The following CMTM8 variants were observed in gnomAD, a reference collection of about 807,000 sequenced individuals.
CMTM8 encodes CKLF-like MARVEL transmembrane domain-containing protein 8.
Under a neutral mutation model 18.6 loss-of-function variants are expected in CMTM8, and 12 were observed. The observed-to-expected ratio is 0.65, with a 90% CI of 0.41 to 1.05. The LOEUF (loss-of-function observed/expected upper bound fraction) is 1.05, where lower values mean the gene tolerates loss of function less well. Among genes scored for constraint, CMTM8 ranks in the 50% least tolerant of loss-of-function variants. The pLI is 0.00. For synonymous variants in CMTM8, 87 were observed against 90.6 expected, an observed-to-expected ratio of 0.96 and a Z score of 0.23; for missense variants, 217 against 227.2, an observed-to-expected ratio of 0.95 and a Z score of 0.29.
chr3:32,269,981 C>T (rs940665578), intron 1 of CMTM8, among the ~76,000 whole-genome samples: 1 of 151,824 alleles, frequency 6.6e-6, no homozygotes, highest in Non-Finnish European at 1.5e-5. Flanking sequence ...ACTATGTTAC[C>T]CAGGCTGGTC....
chr3:32,277,518 G>A (rs541607826), intron 1 of CMTM8, among the ~76,000 whole-genome samples: 2 of 152,010 alleles, frequency 1.3e-5, no homozygotes, highest in South Asian at 2.1e-4. Context: ...TATTACAGGT[G>A]TGTGCCACCA....
At chr3:32,364,620 C>T (rs1255991339) in intron 2 of CMTM8, among the ~76,000 whole-genome samples, 1 of 152,170 alleles carries the variant, frequency 6.6e-6, no homozygotes, top group Non-Finnish European at 1.5e-5. Flanking sequence ...AGGTGAAGCT[C>T]CAGGGGAGCC....
rs1200143299 is a variant in CMTM8 at position 32,253,947 on chromosome 3, G to A, written c.147+14828G>A. Among the ~76,000 whole-genome samples the A allele has an allele frequency of 2.0e-5, 3 of 151,750 alleles. No individual in the cohort carries two copies. The East Asian group carries it at 5.9e-4, about 30-fold the overall frequency. On this transcript the variant is annotated intron_variant, in intron 1 of 3. Coordinates refer to ENST00000307526, the MANE Select transcript of CMTM8 (RefSeq NM_178868.5). ...TCACGCTTGTTGCCCAGGCTGGAGTGCAGTGGCACAATCTCAGCTCACTGC... is the reference window on the plus strand; with the variant it reads ...TCACGCTTGTTGCCCAGGCTGGAGTACAGTGGCACAATCTCAGCTCACTGC...
intron 1 of CMTM8, among the ~76,000 whole-genome samples, chr3:32,269,698 A>C (rs1361325695): frequency 6.6e-6 from 1 of 152,202 alleles, no homozygotes; most frequent in African/African-American, 2.4e-5. Flanking sequence ...TGTCTTCTGC[A>C]TGCCCCTAGA....
chr3:32,357,089 A>G (rs1438956903), intron 1 of CMTM8, among the ~76,000 whole-genome samples: 1 of 152,102 alleles, frequency 6.6e-6, no homozygotes, highest in Admixed American at 6.6e-5. Context: ...GAAAGTTGTA[A>G]TTGACTTAGC....
At chr3:32,267,350 A>T (rs1702365248) in intron 1 of CMTM8, among the ~76,000 whole-genome samples, 1 of 152,226 alleles carries the variant, frequency 6.6e-6, no homozygotes, top group East Asian at 1.9e-4. Context: ...AGAAATGGGG[A>T]AAGGATTCCC....
chr3:32,359,620 C>A (rs1054097109), intron 2 of CMTM8, among the ~76,000 whole-genome samples: 2 of 151,916 alleles, frequency 1.3e-5, no homozygotes, highest in Non-Finnish European at 2.9e-5. Flanking sequence ...TAGTGATGGG[C>A]CAGATTTGAC....
chr3:32,351,240 A>G lies in CMTM8; in HGVS notation c.148-6133A>G, dbSNP rs115976668. On this transcript the variant is annotated intron_variant, in intron 1 of 3. Transcript: ENST00000307526. ...ATAAGTGATATTGGGTCAATTGTCT[A>G]TCTGCTAGAAAAAAATAAAATTTGC... Among the ~76,000 whole-genome samples, 635 of 152,200 alleles carry G rather than the reference A, an allele frequency of 4.2e-3. 4 individuals carry two copies. The highest frequency in any genetic ancestry group is 0.015 in the African/African-American group (611 of 41,506).
intron 1 of CMTM8, among the ~76,000 whole-genome samples, chr3:32,287,977 A>G (rs1702712409): frequency 6.6e-6 from 1 of 152,246 alleles, no homozygotes; most frequent in Non-Finnish European, 1.5e-5. Flanking sequence ...GCTTTAAAAA[A>G]AAAGTATTTA....
In CMTM8 at chr3:32,298,922, CACAT is replaced by C. The variant is rs1220999084; in HGVS notation, c.148-58449_148-58446del. 3.4e-3 allele frequency among the ~76,000 whole-genome samples: 470 copies of C among 139,154 alleles called. 4 individuals carry two copies. Among genetic ancestry groups the C allele is most frequent in the African/African-American group, 0.01 (378 of 36,970 alleles). 91.3% of individuals were successfully genotyped at this position (139,154 alleles called of 152,430 possible). Reference sequence around the variant, plus strand: ...ATACACACACACACACATACACACACACATATATATATATATATGTATATATATA... The same window carrying C: ...ATACACACACACACACATACACACACATATATATATATATGTATATATATA... On this transcript the variant is annotated intron_variant, in intron 1 of 3. Coordinates refer to ENST00000307526, the MANE Select transcript of CMTM8 (RefSeq NM_178868.5).
intron 1 of CMTM8, among the ~76,000 whole-genome samples, chr3:32,283,411 A>G (rs1210527923): frequency 6.6e-6 from 1 of 152,186 alleles, no homozygotes; most frequent in Non-Finnish European, 1.5e-5. Flanking sequence ...AGCGCTTGCT[A>G]TCTGGCTTCT....
intron 1 of CMTM8, among the ~76,000 whole-genome samples, chr3:32,329,227 G>A (rs1037721406): frequency 3.9e-5 from 6 of 152,146 alleles, no homozygotes; most frequent in South Asian, 2.1e-4. Context: ...CACCAAGCCC[G>A]GCTAATTTTT....
intron 1 of CMTM8, among the ~76,000 whole-genome samples, chr3:32,286,841 T>C (rs4507297): frequency 0.73 from 111,332 of 152,216 alleles, 40,972 homozygotes; most frequent in East Asian, 0.9. Flanking sequence ...CGAAGCCATC[T>C]TGGGCTGTAT....
intron 1 of CMTM8, among the ~76,000 whole-genome samples, chr3:32,318,398 T>C (rs1020093703): frequency 6.6e-6 from 1 of 151,984 alleles, no homozygotes; most frequent in Non-Finnish European, 1.5e-5. Flanking sequence ...CTCATAAAGA[T>C]GTTTGCAGCA....
chr3:32,305,617 A>AT (rs1695701879), intron 1 of CMTM8, among the ~76,000 whole-genome samples: 1 of 152,168 alleles, frequency 6.6e-6, no homozygotes, highest in Non-Finnish European at 1.5e-5. Context: ...CTGAGAGGAG[A>AT]TGGCACAGCA....
intron 1 of CMTM8, among the ~76,000 whole-genome samples, chr3:32,307,544 A>C (rs545953298): frequency 6.6e-6 from 1 of 152,126 alleles, no homozygotes; most frequent in Admixed American, 6.5e-5. Context: ...AGTATAGGAG[A>C]CTGTGGAGTG....
At chr3:32,299,400 A>G (rs1182955448) in intron 1 of CMTM8, among the ~76,000 whole-genome samples, 1 of 152,212 alleles carries the variant, frequency 6.6e-6, no homozygotes, top group East Asian at 1.9e-4. Context: ...TCTCTACACC[A>G]GAGATCAACT....
intron 1 of CMTM8, among the ~76,000 whole-genome samples, chr3:32,324,296 C>T (rs1438182): frequency 0.077 from 11,723 of 152,150 alleles, 483 homozygotes; most frequent in Middle Eastern, 0.12. Flanking sequence ...AGTCTGGTAG[C>T]TGAATCTGGT....
chr3:32,304,682 T>G (rs1244525957), intron 1 of CMTM8, among the ~76,000 whole-genome samples: 1 of 152,252 alleles, frequency 6.6e-6, no homozygotes, highest in East Asian at 1.9e-4. Context: ...GTGTTTGCCC[T>G]GGTGGCACAC....
Sources: allele counts gnomAD v4.1 joint callset (sites outside exome capture counted in the v4.1 genomes callset), GRCh38; gene constraint gnomAD v4.1.1; transcripts MANE v1.5; gene names NCBI Gene and HGNC (gene_info 2026-07-23, HGNC 2026-07-21).